CAMKMT: variants seen among roughly 807,000 people sequenced by gnomAD.
The protein encoded by CAMKMT is calmodulin-lysine N-methyltransferase, also known as CaM KMT.
In CAMKMT, 53 loss-of-function variants were observed where a neutral mutation model predicts 48.0. That is an observed-to-expected ratio of 1.10 (90% confidence interval 0.89 to 1.39). CAMKMT has a LOEUF of 1.39. Among genes scored for constraint, CAMKMT ranks in the 40% most tolerant of loss-of-function variants. The pLI is 0.00. For synonymous variants in CAMKMT, 165 were observed against 152.3 expected, an observed-to-expected ratio of 1.08 and a Z score of -0.61; for missense variants, 428 against 402.7, an observed-to-expected ratio of 1.06 and a Z score of -0.54.
intron 6 of CAMKMT, among the ~76,000 whole-genome samples, chr2:44,711,841 G>A (rs569429016): frequency 6.6e-6 from 1 of 152,272 alleles, no homozygotes; most frequent in South Asian, 2.1e-4. Flanking sequence ...TAGAGATGGA[G>A]CTCAGAGAGA....
intron 3 of CAMKMT, among the ~76,000 whole-genome samples, chr2:44,470,432 C>G (rs533293949): frequency 2.0e-5 from 3 of 152,182 alleles, no homozygotes; most frequent in Non-Finnish European, 4.4e-5. Flanking sequence ...TTTTCAGTTG[C>G]TGTTCTCAAA....
intron 9 of CAMKMT, among the ~76,000 whole-genome samples, chr2:44,760,896 A>G (rs898219488): frequency 2.6e-5 from 4 of 152,184 alleles, no homozygotes; most frequent in Admixed American, 2.6e-4. Flanking sequence ...AGGACAATGA[A>G]TGGATATTCA....
At chr2:44,713,682 C>T (rs1678006831) in intron 6 of CAMKMT, among the ~76,000 whole-genome samples, 1 of 152,012 alleles carries the variant, frequency 6.6e-6, no homozygotes, top group South Asian at 2.1e-4. Flanking sequence ...TTTTGTAAAC[C>T]TCAACAAAGC....
At chr2:44,520,248 T>C (rs1462994233) in intron 3 of CAMKMT, among the ~76,000 whole-genome samples, 1 of 151,840 alleles carries the variant, frequency 6.6e-6, no homozygotes, top group African/African-American at 2.4e-5. Flanking sequence ...AAATTTATTT[T>C]AGTTGAGATG....
intron 3 of CAMKMT, among the ~76,000 whole-genome samples, chr2:44,586,918 A>G (rs1259651633): frequency 6.6e-6 from 1 of 152,090 alleles, no homozygotes; most frequent in Non-Finnish European, 1.5e-5. Context: ...TCTATTTTAC[A>G]TTGCCAGCAG....
chr2:44,504,023 G>C (rs1430109695), intron 3 of CAMKMT, among the ~76,000 whole-genome samples: 2 of 150,050 alleles, frequency 1.3e-5, no homozygotes, highest in Middle Eastern at 3.2e-3. Flanking sequence ...GAAACGGGAA[G>C]GGGGAGAGAG....
intron 3 of CAMKMT, among the ~76,000 whole-genome samples, chr2:44,534,728 C>G (rs894539965): frequency 6.6e-6 from 1 of 152,104 alleles, no homozygotes; most frequent in African/African-American, 2.4e-5. Context: ...ACAGCAAAAG[C>G]AGTGCTAAGA....
rs924781961 is a variant in CAMKMT, at chr2:44,479,482, C to A, written c.376+89177C>A. 2.0e-5 allele frequency among the ~76,000 whole-genome samples: 3 copies of A among 152,144 alleles called. No individual in the cohort carries two copies. In the East Asian group the frequency reaches 5.8e-4, roughly 29 times the overall value. ...GTTTATTTTACAAAACATGAAAAAG[C>A]TTTTAAACCAACATTTTTGAGGTAA... is the stretch of plus-strand genomic sequence containing the variant. On this transcript the variant is annotated intron_variant, in intron 3 of 10. Coordinates refer to ENST00000378494, the MANE Select transcript of CAMKMT (RefSeq NM_024766.5).
intron 3 of CAMKMT, among the ~76,000 whole-genome samples, chr2:44,608,524 G>A (rs543294394): frequency 8.2e-4 from 124 of 152,048 alleles, no homozygotes; most frequent in African/African-American, 2.9e-3. Flanking sequence ...AACATTTATC[G>A]TTTTCTTGTG....
intron 3 of CAMKMT, among the ~76,000 whole-genome samples, chr2:44,473,079 G>T (rs1668508596): frequency 6.6e-6 from 1 of 152,226 alleles, no homozygotes; most frequent in Non-Finnish European, 1.5e-5. Context: ...TCCGGGTTTG[G>T]GTGAGAGGGG....
At chr2:44,458,042 C>CTTT (rs541348745) in intron 3 of CAMKMT, among the ~76,000 whole-genome samples, 11 of 75,390 alleles carry the variant, frequency 1.5e-4, no homozygotes, top group African/African-American at 2.8e-4. Flanking sequence ...AGCTTTGTGA[C>CTTT]TTTTTTTTTT....
chr2:44,766,284 C>T (rs1573256324), intron 9 of CAMKMT, 146 bp from the exon 10 acceptor site: 1 of 788,234 alleles, frequency 1.3e-6, no homozygotes. Context: ...ATTATTCTCA[C>T]TGTGAATGTC....
chr2:44,459,757 G>T, intron 3 of CAMKMT, among the ~76,000 whole-genome samples: 1 of 152,158 alleles, frequency 6.6e-6, no homozygotes, highest in East Asian at 1.9e-4. Flanking sequence ...ATAGCAAAGT[G>T]CCAAAAGTTC....
chr2:44,659,580 A>G (rs1371778269), intron 3 of CAMKMT, among the ~76,000 whole-genome samples: 4 of 151,684 alleles, frequency 2.6e-5, no homozygotes, highest in African/African-American at 9.7e-5. Flanking sequence ...AAAAAAAAAA[A>G]GAAAAATTAG....
At chr2:44,629,222 A>C (rs1008804935) in intron 3 of CAMKMT, among the ~76,000 whole-genome samples, 2 of 151,852 alleles carry the variant, frequency 1.3e-5, no homozygotes, top group Admixed American at 6.6e-5. Context: ...CATATTTATG[A>C]TTGTTATGTT....
intron 7 of CAMKMT, among the ~76,000 whole-genome samples, chr2:44,721,685 C>G (rs1046065371): frequency 6.6e-6 from 1 of 152,182 alleles, no homozygotes; most frequent in Non-Finnish European, 1.5e-5. Context: ...AAAGCTCATA[C>G]TTGGCCAGAT....
At chr2:44,702,018 T>G (rs997185991) in intron 3 of CAMKMT, among the ~76,000 whole-genome samples, 1 of 152,200 alleles carries the variant, frequency 6.6e-6, no homozygotes, top group African/African-American at 2.4e-5. Context: ...AAAATCAGCC[T>G]CTATAATTTT....
chr2:44,737,234 G>GC (rs920040602), intron 7 of CAMKMT, among the ~76,000 whole-genome samples: 1 of 151,974 alleles, frequency 6.6e-6, no homozygotes. Flanking sequence ...TCCCTTCTCA[G>GC]CCCCCCAGGT....
At chr2:44,597,511 G>C (rs1344397299) in intron 3 of CAMKMT, among the ~76,000 whole-genome samples, 1 of 152,170 alleles carries the variant, frequency 6.6e-6, no homozygotes, top group Non-Finnish European at 1.5e-5. Context: ...TGGTGTGTAA[G>C]TATGCATATT....
Sources: allele counts gnomAD v4.1 joint callset (sites outside exome capture counted in the v4.1 genomes callset), GRCh38; gene constraint gnomAD v4.1.1; transcripts MANE v1.5; gene names NCBI Gene and HGNC (gene_info 2026-07-23, HGNC 2026-07-21).